SAE1: variants seen among roughly 807,000 people sequenced by gnomAD.
The protein encoded by SAE1 is SUMO1 activating enzyme subunit 1.
Under a neutral mutation model 40.6 loss-of-function variants are expected in SAE1, and 11 were observed. The observed-to-expected ratio is 0.27, with a 90% CI of 0.17 to 0.45. SAE1 has a LOEUF of 0.45. Among genes scored for constraint, SAE1 ranks in the 20% least tolerant of loss-of-function variants. The pLI is 1.00. For missense variants in SAE1, 373 were observed against 427.3 expected, an observed-to-expected ratio of 0.87 and a Z score of 1.12; for synonymous variants, 155 against 154.3, an observed-to-expected ratio of 1.00 and a Z score of -0.03.
intron 3 of SAE1, among the ~76,000 whole-genome samples, chr19:47,151,564 C>T (rs2058288524): frequency 6.6e-6 from 1 of 152,066 alleles, no homozygotes; most frequent in African/African-American, 2.4e-5. Flanking sequence ...CTCCGCCTCC[C>T]TGGTTTAAGC....
intron 5 of SAE1, among the ~76,000 whole-genome samples, chr19:47,163,477 C>T (rs754151472): frequency 6.6e-6 from 1 of 152,048 alleles, no homozygotes; most frequent in Non-Finnish European, 1.5e-5. Context: ...CCTGAAATCC[C>T]AGCACTTTGG....
At chr19:47,177,942 T>G (rs374057726) in intron 6 of SAE1, among the ~76,000 whole-genome samples, 1 of 152,056 alleles carries the variant, frequency 6.6e-6, no homozygotes. Context: ...GTTTCCCTAT[T>G]GATAGAATAT....
intron 5 of SAE1, 37 bp downstream of exon 5, chr19:47,155,250 G>A (rs71353953): frequency 1.5e-6 from 2 of 1,347,202 alleles, no homozygotes; most frequent in South Asian, 2.3e-5. Context: ...AGAAACCCTG[G>A]GGCCTTGGAG....
chr19:47,151,257 C>G (rs1278367271), intron 3 of SAE1, among the ~76,000 whole-genome samples: 1 of 144,718 alleles, frequency 6.9e-6, no homozygotes, highest in Non-Finnish European at 1.5e-5. Flanking sequence ...TCAAGTGATT[C>G]TCCTGCCTCA....
Position 47,178,231 on chromosome 19 carries a change from G to A in SAE1, c.733+8308G>A, listed in dbSNP as rs1393587424. 4.6e-5 allele frequency among the ~76,000 whole-genome samples: 7 copies of A among 151,308 alleles called. No individual in the cohort carries two copies. The East Asian group carries it at 1.2e-3, about 25-fold the overall frequency. ...GCACTCCAGCCTGACGACAGGGCAA[G>A]ACTCCATCTCCAAAAAAAAAAAAGA... On this transcript the variant is annotated intron_variant, in intron 6 of 8. Transcript: ENST00000270225.
intron 6 of SAE1, among the ~76,000 whole-genome samples, chr19:47,196,061 T>C (rs1332947461): frequency 2.1e-4 from 32 of 149,454 alleles, no homozygotes; most frequent in East Asian, 9.8e-4. Flanking sequence ...TTTTTTTTTT[T>C]CCCAGACGGA....
At chr19:47,131,092 C>A in intron 1 of SAE1, 64 bp downstream of exon 1, 1 of 1,453,912 alleles carries the variant, frequency 6.9e-7, no homozygotes, top group Non-Finnish European at 9.1e-7. Context: ...GAGGCGTTTG[C>A]GGCCCGGAAG....
At chr19:47,173,592 G>C (rs1017105801) in intron 6 of SAE1, among the ~76,000 whole-genome samples, 5 of 151,890 alleles carry the variant, frequency 3.3e-5, no homozygotes, top group African/African-American at 4.8e-5. Context: ...ACACTGTCAC[G>C]GGGGACTGTC....
At chr19:47,193,247 G>T (rs1600208115) in intron 6 of SAE1, among the ~76,000 whole-genome samples, 1 of 151,856 alleles carries the variant, frequency 6.6e-6, no homozygotes, top group Non-Finnish European at 1.5e-5. Flanking sequence ...TTTTAGTAGA[G>T]ATGGGGTTTC....
At chr19:47,192,238 T>C (rs2058583312) in intron 6 of SAE1, among the ~76,000 whole-genome samples, 1 of 151,534 alleles carries the variant, frequency 6.6e-6, no homozygotes, top group South Asian at 2.1e-4. Context: ...TACTGGTTTG[T>C]TGTTGTTGTT....
intron 6 of SAE1, among the ~76,000 whole-genome samples, chr19:47,192,600 C>T (rs893816229): frequency 1.3e-5 from 2 of 151,648 alleles, no homozygotes; most frequent in Non-Finnish European, 2.9e-5. Flanking sequence ...TGGAGTGCAG[C>T]GGTGTGATTT....
At position 47,153,101 on chromosome 19, in the gene SAE1, TA is replaced by T. The variant is rs2058297636; in HGVS notation, c.527+64del. On this transcript the variant is annotated intron_variant, in intron 4 of 8. Coordinates refer to ENST00000270225, the MANE Select transcript of SAE1 (RefSeq NM_005500.3). Reference sequence around the variant, plus strand: ...TTCTCCTTTTTATACTTTTTTTTTTTAAATTATGTATTTATTTATGTGTAGA... The same window carrying T: ...TTCTCCTTTTTATACTTTTTTTTTTTAATTATGTATTTATTTATGTGTAGA... 6.2e-5 allele frequency: 83 copies of T among 1,344,484 alleles called. No individual in the cohort carries two copies. In the East Asian group the frequency reaches 1.5e-3, roughly 24 times the overall value. 83.3% of individuals were successfully genotyped at this position (1,344,484 alleles called of 1,614,324 possible).
intron 6 of SAE1, among the ~76,000 whole-genome samples, chr19:47,188,368 A>T (rs1465802576): frequency 6.6e-6 from 1 of 152,074 alleles, no homozygotes; most frequent in African/African-American, 2.4e-5. Context: ...AAAAGAAAAA[A>T]ATAATCACAA....
At chr19:47,146,497 C>CT (rs2058256157) in intron 2 of SAE1, among the ~76,000 whole-genome samples, 1 of 152,082 alleles carries the variant, frequency 6.6e-6, no homozygotes, top group African/African-American at 2.4e-5. Flanking sequence ...ATTGGGAGGT[C>CT]TGTGTATGGG....
intron 4 of SAE1, among the ~76,000 whole-genome samples, 182 bp from the exon 5 acceptor site, chr19:47,154,932 T>C (rs1281414520): frequency 6.6e-6 from 1 of 152,154 alleles, no homozygotes; most frequent in Non-Finnish European, 1.5e-5. Context: ...ATTTCCTGAG[T>C]GCCCAACAGT....
chr19:47,180,691 T>C (rs2123276440), intron 6 of SAE1, among the ~76,000 whole-genome samples: 1 of 152,150 alleles, frequency 6.6e-6, no homozygotes, highest in South Asian at 2.1e-4. Flanking sequence ...GATACAGTGG[T>C]GCATGCATGT....
chr19:47,191,120 G>A (rs940064152), intron 6 of SAE1, among the ~76,000 whole-genome samples: 2 of 152,146 alleles, frequency 1.3e-5, no homozygotes, highest in Admixed American at 1.3e-4. Context: ...CTGTAAAGTA[G>A]GATGGGTAGG....
At position 47,143,595 on chromosome 19, in the gene SAE1, A is replaced by T; in HGVS notation, c.200A>T (p.Asp67Val). The T allele has an allele frequency of 6.2e-7, 1 of 1,612,894 alleles. No individual in the cohort carries two copies. The highest frequency in any genetic ancestry group is 8.5e-7 in the Non-Finnish European group (1 of 1,178,974). The change falls in exon 2 of 9, where the codon GAT (aspartate) becomes GTT (valine). Residue 67 changes from aspartate (D) to valine (V), a missense_variant. Coordinates refer to ENST00000270225, the MANE Select transcript of SAE1 (RefSeq NM_005500.3). ...LAGVKGLTML[D>V]HEQVTPEDPG... The stretch of plus-strand genomic sequence containing the variant: ...GGAGTGAAAGGACTGACCATGCTGG[A>T]TCACGAACAGGTGCGCTGTTGTGAG...
chr19:47,200,514 G>C (rs2058646996), intron 7 of SAE1, among the ~76,000 whole-genome samples: 1 of 145,974 alleles, frequency 6.9e-6, no homozygotes, highest in Admixed American at 7.2e-5. Flanking sequence ...AAGCACATCT[G>C]CCTGAGTTAA....
Sources: gnomAD v4.1 joint callset for allele counts (sites outside exome capture counted in the v4.1 genomes callset) on GRCh38, gnomAD v4.1.1 for gene constraint, MANE v1.5 for transcripts, NCBI Gene and HGNC (gene_info 2026-07-23, HGNC 2026-07-21) for gene names.